The following FBN1 variants were observed in gnomAD, a reference collection of about 807,000 sequenced individuals.
FBN1 encodes fibrillin 1, also known as fibrillin-1.
A neutral mutation model predicts 365.1 loss-of-function variants in FBN1; 29 were observed. The ratio of observed to expected loss-of-function variants is 0.08; its 90% CI spans 0.06 to 0.11. The LOEUF is 0.11. Among genes scored for constraint, FBN1 ranks in the 10% least tolerant of loss-of-function variants. The probability of loss-of-function intolerance (pLI) is 1.00; values close to 1 mark genes in which losing one functional copy is unlikely to be tolerated. For synonymous variants in FBN1, 1,210 were observed against 1,270.5 expected, an observed-to-expected ratio of 0.95 and a Z score of 1.01; for missense variants, 2,476 against 3,703.2, an observed-to-expected ratio of 0.67 and a Z score of 8.60.
chr15:48,514,056 A>G (rs1313953608), intron 12 of FBN1, among the ~76,000 whole-genome samples: 3 of 152,200 alleles, frequency 2.0e-5, no homozygotes, highest in African/African-American at 7.2e-5. Context: ...AGGTCTAACC[A>G]TATCCAAGCA....
chr15:48,440,115 A>G (rs549202787), intron 50 of FBN1, among the ~76,000 whole-genome samples: 1 of 152,306 alleles, frequency 6.6e-6, no homozygotes, highest in East Asian at 1.9e-4. Flanking sequence ...GGTGTCTTGC[A>G]TTGGGGAAGA....
intron 2 of FBN1, among the ~76,000 whole-genome samples, chr15:48,625,957 C>T (rs893588565): frequency 1.3e-5 from 2 of 152,070 alleles, no homozygotes; most frequent in African/African-American, 4.8e-5. Context: ...GTTTCATTTA[C>T]CACTAAGACA....
At chr15:48,561,225 T>G (rs1214237369) in intron 6 of FBN1, among the ~76,000 whole-genome samples, 2 of 152,176 alleles carry the variant, frequency 1.3e-5, no homozygotes, top group Non-Finnish European at 2.9e-5. Flanking sequence ...GTCTTTCCCT[T>G]CCTGGCTCTG....
intron 6 of FBN1, among the ~76,000 whole-genome samples, chr15:48,572,910 TA>T (rs1337242594): frequency 6.6e-6 from 1 of 152,164 alleles, no homozygotes; most frequent in Non-Finnish European, 1.5e-5. Flanking sequence ...TAAATTTTTT[TA>T]AAAAACAAGA....
intron 45 of FBN1, among the ~76,000 whole-genome samples, chr15:48,452,309 C>T (rs186245060): frequency 1.3e-5 from 2 of 152,180 alleles, no homozygotes; most frequent in Non-Finnish European, 2.9e-5. Context: ...CAGGCAAATA[C>T]GAAATCTATG....
intron 2 of FBN1, among the ~76,000 whole-genome samples, chr15:48,639,662 G>T (rs1890164841): frequency 6.6e-6 from 1 of 152,096 alleles, no homozygotes; most frequent in African/African-American, 2.4e-5. Flanking sequence ...TATCTAATGA[G>T]AAAATCGACT....
chr15:48,604,162 C>T (rs1408796668), intron 4 of FBN1, among the ~76,000 whole-genome samples: 2 of 148,422 alleles, frequency 1.3e-5, no homozygotes, highest in East Asian at 3.9e-4. Flanking sequence ...GCAGGGCTGG[C>T]ACCTGGATCT....
At chr15:48,505,421 C>G (rs1172848035) in intron 15 of FBN1, among the ~76,000 whole-genome samples, 1 of 152,096 alleles carries the variant, frequency 6.6e-6, no homozygotes, top group Non-Finnish European at 1.5e-5. Flanking sequence ...AAGGCAAAAA[C>G]AGAATCAGAG....
chr15:48,534,053 C>G (rs1321812963), intron 8 of FBN1, 27 bp downstream of exon 8: 2 of 1,612,790 alleles, frequency 1.2e-6, no homozygotes, highest in South Asian at 2.2e-5. Flanking sequence ...ACTACACCCC[C>G]CAACTGCAAA....
At chr15:48,645,053 C>A (rs1427916740) in intron 1 of FBN1, 103 bp from the exon 2 acceptor site, 4 of 269,520 alleles carry the variant, frequency 1.5e-5, no homozygotes, top group Non-Finnish European at 2.0e-5. Flanking sequence ...GCGCCGCCTG[C>A]GCGTGGCGCA....
At chr15:48,514,454 C>T (rs1055875513) in intron 12 of FBN1, among the ~76,000 whole-genome samples, 2 of 152,162 alleles carry the variant, frequency 1.3e-5, no homozygotes, top group Non-Finnish European at 2.9e-5. Context: ...CTCATCATTT[C>T]TGACAAATCA....
intron 2 of FBN1, chr15:48,643,502 C>T (rs1187096938): frequency 1.3e-5 from 2 of 152,036 alleles, no homozygotes; most frequent in African/African-American, 4.8e-5. Context: ...GCCATACAAA[C>T]ACAAATTTTA....
chr15:48,609,848 G>C (rs965574822), intron 4 of FBN1, among the ~76,000 whole-genome samples: 1 of 152,230 alleles, frequency 6.6e-6, no homozygotes. Flanking sequence ...GCTTGTGAGA[G>C]ACACACTCAA....
At position 48,515,888 on chromosome 15, in the gene FBN1, A is replaced by C. The variant is rs143313259; in HGVS notation, c.1327+295T>G. On this transcript the variant is annotated intron_variant, in intron 11 of 65. Coordinates refer to ENST00000316623, the MANE Select transcript of FBN1 (RefSeq NM_000138.5). ...AGTCTAATATTATACCTCCTCTATT[A>C]ATCCTTTCTGTGAATCAGATTTAAC... 3.0e-3 allele frequency among the ~76,000 whole-genome samples: 459 copies of C among 152,272 alleles called. 5 individuals carry two copies. The highest frequency in any genetic ancestry group is 0.011 in the African/African-American group (437 of 41,556).
At chr15:48,607,388 T>A (rs1005336728) in intron 4 of FBN1, among the ~76,000 whole-genome samples, 4 of 143,318 alleles carry the variant, frequency 2.8e-5, no homozygotes, top group Non-Finnish European at 6.1e-5. Context: ...ATATATATAT[T>A]ATTGTCTAAA....
In FBN1 at chr15:48,497,406, A is replaced by C; in HGVS notation, c.2168-15T>G. ...TTCATTTATATCTGCACCACAAAAA[A>C]GGTCAAAATCAATTAAGATTATAAA... is the stretch of plus-strand genomic sequence containing the variant. On this transcript the variant is annotated splice_polypyrimidine_tract_variant and intron_variant, in intron 18 of 65. Coordinates refer to ENST00000316623, the MANE Select transcript of FBN1 (RefSeq NM_000138.5). 1 of 1,610,278 alleles carries C rather than the reference A, an allele frequency of 6.2e-7. No homozygotes were observed. Among genetic ancestry groups the C allele is most frequent in the Non-Finnish European group, 8.5e-7 (1 of 1,176,556 alleles).
chr15:48,429,721 C>T (rs2043010703), intron 56 of FBN1, among the ~76,000 whole-genome samples: 1 of 152,334 alleles, frequency 6.6e-6, no homozygotes, highest in Admixed American at 6.5e-5. Flanking sequence ...GACAATTAAT[C>T]TACATATTTT....
At chr15:48,456,517 A>T in intron 44 of FBN1, 120 bp downstream of exon 44, 1 of 1,028,126 alleles carries the variant, frequency 9.7e-7, no homozygotes, top group Non-Finnish European at 1.5e-6. Context: ...CATGCCCTTT[A>T]CTATTTCTAG....
At chr15:48,603,008 C>T (rs1003215081) in intron 4 of FBN1, among the ~76,000 whole-genome samples, 5 of 152,156 alleles carry the variant, frequency 3.3e-5, no homozygotes, top group African/African-American at 1.2e-4. Context: ...ACATGAGCAA[C>T]AAAGCCATTT....
Sources: gnomAD v4.1 joint callset for allele counts (sites outside exome capture counted in the v4.1 genomes callset) on GRCh38, gnomAD v4.1.1 for gene constraint, MANE v1.5 for transcripts, NCBI Gene and HGNC (gene_info 2026-07-23, HGNC 2026-07-21) for gene names.